Variants in MTUS1 observed in about 807,000 individuals in gnomAD.
MTUS1 encodes the protein microtubule associated scaffold protein 1, also known as microtubule-associated tumor suppressor 1.
In MTUS1, 109 loss-of-function variants were observed where a neutral mutation model predicts 120.8. The ratio of observed to expected loss-of-function variants is 0.90; its 90% CI spans 0.77 to 1.06. The LOEUF (loss-of-function observed/expected upper bound fraction) is 1.06. Ranked by LOEUF, MTUS1 falls within the 50% of genes least tolerant of loss-of-function variation. The pLI is 0.00. For missense variants in MTUS1, 2,210 were observed against 1,486.3 expected (o/e 1.49, Z -8.01); for synonymous variants, 737 against 550.5 (o/e 1.34, Z -4.74).
At chr8:17,772,354 A>G (rs1365467340) in intron 1 of MTUS1, among the ~76,000 whole-genome samples, 4 of 152,224 alleles carry the variant, frequency 2.6e-5, no homozygotes, top group Admixed American at 6.5e-5. Context: ...GAAAACAAGA[A>G]TAAATATTTC....
At chr8:17,669,759 C>G (rs913679917) in intron 8 of MTUS1, among the ~76,000 whole-genome samples, 10 of 152,094 alleles carry the variant, frequency 6.6e-5, no homozygotes, top group Non-Finnish European at 1.3e-4. Context: ...GCAGGACAGT[C>G]ACATGAATCC....
At chr8:17,656,503 G>C (rs1456361171) in intron 8 of MTUS1, among the ~76,000 whole-genome samples, 1 of 151,430 alleles carries the variant, frequency 6.6e-6, no homozygotes, top group Non-Finnish European at 1.5e-5. Context: ...ACTATAGCCG[G>C]GGTGACAGAC....
chr8:17,789,108 C>T (rs555521188), intron 1 of MTUS1, among the ~76,000 whole-genome samples: 1 of 152,018 alleles, frequency 6.6e-6, no homozygotes, highest in East Asian at 1.9e-4. Flanking sequence ...TCTCAGCTCA[C>T]CACAACCTCC....
intron 1 of MTUS1, among the ~76,000 whole-genome samples, chr8:17,787,235 G>C (rs2051381303): frequency 1.3e-5 from 2 of 152,302 alleles, no homozygotes; most frequent in African/African-American, 4.8e-5. Flanking sequence ...CATGGGTAAA[G>C]ATAACGACAT....
At chr8:17,780,383 C>T (rs776600875) in intron 1 of MTUS1, among the ~76,000 whole-genome samples, 3 of 152,172 alleles carry the variant, frequency 2.0e-5, no homozygotes, top group South Asian at 2.1e-4. Flanking sequence ...TACCCAGCCT[C>T]GGGTATTTCA....
chr8:17,667,206 G>C (rs902604741), intron 8 of MTUS1, among the ~76,000 whole-genome samples: 2 of 152,166 alleles, frequency 1.3e-5, no homozygotes, highest in African/African-American at 4.8e-5. Flanking sequence ...ATGTGGATAG[G>C]AAGAGAATGA....
chr8:17,676,845 G>A (rs115955694), intron 7 of MTUS1, among the ~76,000 whole-genome samples: 197 of 152,266 alleles, frequency 1.3e-3, no homozygotes, highest in African/African-American at 4.5e-3. Context: ...GCATGCTGTC[G>A]TTTACAAATT....
In MTUS1 at chr8:17,729,186, C is replaced by T. The variant is rs116831254; in HGVS notation, c.2288-5353G>A. Among the ~76,000 whole-genome samples, 1,001 of 152,184 alleles carry T rather than the reference C, an allele frequency of 6.6e-3. 16 individuals carry two copies. The highest frequency in any genetic ancestry group is 0.023 in the African/African-American group (934 of 41,490). On this transcript the variant is annotated intron_variant, in intron 3 of 14. Coordinates refer to ENST00000693296, the MANE Select transcript of MTUS1 (RefSeq NM_001363059.2). Reference sequence around the variant, plus strand: ...GAGACAGTTACCTTTAGAGTAATTACCTACAGTAACTAGGAATTATTATAA... The same window carrying T: ...GAGACAGTTACCTTTAGAGTAATTATCTACAGTAACTAGGAATTATTATAA...
intron 8 of MTUS1, among the ~76,000 whole-genome samples, chr8:17,666,981 A>C (rs1386418501): frequency 6.6e-6 from 1 of 152,188 alleles, no homozygotes; most frequent in Non-Finnish European, 1.5e-5. Context: ...ATTTTCGTAC[A>C]CAATAAAGTT....
At chr8:17,657,554 A>T (rs369218050) in intron 8 of MTUS1, among the ~76,000 whole-genome samples, 4 of 150,112 alleles carry the variant, frequency 2.7e-5, no homozygotes, top group Non-Finnish European at 5.9e-5. Flanking sequence ...GGCGACAGAG[A>T]GAGACTCCGT....
At chr8:17,744,625 G>A (rs576380097) in intron 2 of MTUS1, among the ~76,000 whole-genome samples, 8 of 148,942 alleles carry the variant, frequency 5.4e-5, no homozygotes, top group East Asian at 3.9e-4. Flanking sequence ...TATTTTTGTA[G>A]CTAAGTTTTG....
At chr8:17,664,564 C>T (rs1274007280) in intron 8 of MTUS1, among the ~76,000 whole-genome samples, 9 of 151,790 alleles carry the variant, frequency 5.9e-5, no homozygotes, top group East Asian at 3.9e-4. Flanking sequence ...CCTGGGAAAC[C>T]GGCCTCCTCC....
intron 4 of MTUS1, among the ~76,000 whole-genome samples, chr8:17,721,236 C>A (rs1297813133): frequency 6.6e-6 from 1 of 152,112 alleles, no homozygotes; most frequent in Non-Finnish European, 1.5e-5. Flanking sequence ...TTATCAGAAA[C>A]AGGAAATTTT....
rs1382993877 is a variant in MTUS1, at chr8:17,644,155, C to T, written c.*1771G>A. ...ATTGAGAACAACTTGGAAGCGTGAGCAGAGATATCTCATGAAGTGGCAGTG... is the reference window on the plus strand; with the variant it reads ...ATTGAGAACAACTTGGAAGCGTGAGTAGAGATATCTCATGAAGTGGCAGTG... On this transcript the variant is annotated 3_prime_UTR_variant, in exon 15 of 15. Coordinates refer to ENST00000693296, the MANE Select transcript of MTUS1 (RefSeq NM_001363059.2). The T allele has an allele frequency of 2.6e-5, 4 of 152,174 alleles. No individual in the cohort carries two copies. The highest frequency in any genetic ancestry group is 4.4e-5 in the Non-Finnish European group (3 of 68,042). The allele number at this position is 152,174 out of a possible 1,614,324, so 9.4% of individuals were successfully genotyped here. A position where few individuals can be genotyped will look rare whatever the true frequency, so the allele number is the denominator to read the frequency against.
upstream of MTUS1, chr8:17,801,315 T>A (rs1172231988): frequency 6.6e-6 from 1 of 151,480 alleles, no homozygotes; most frequent in Non-Finnish European, 1.5e-5. Flanking sequence ...GGGAAACTTG[T>A]AAATAGCCGA....
At chr8:17,712,458 T>C (rs1343917792) in intron 6 of MTUS1, among the ~76,000 whole-genome samples, 1 of 152,038 alleles carries the variant, frequency 6.6e-6, no homozygotes. Flanking sequence ...TGCCTCAGCC[T>C]CCTGAGTGGC....
chr8:17,721,519 A>G (rs766387729), intron 4 of MTUS1, among the ~76,000 whole-genome samples: 2 of 152,220 alleles, frequency 1.3e-5, no homozygotes, highest in Non-Finnish European at 2.9e-5. Flanking sequence ...TGCAAAACAC[A>G]TAAAAGAGAC....
At position 17,775,118 on chromosome 8, in the gene MTUS1, G is replaced by A. The variant is rs1272922595; in HGVS notation, c.-154-19157C>T. 2.6e-5 allele frequency among the ~76,000 whole-genome samples: 4 copies of A among 152,104 alleles called. No homozygotes were observed. The East Asian group carries it at 5.8e-4, about 22-fold the overall frequency. Reference sequence around the variant, plus strand: ...GGGCAGGGGAACATGGGGAGCTATTGTTAAATGGGTACAGTTTCTGTGTGG... The same window carrying A: ...GGGCAGGGGAACATGGGGAGCTATTATTAAATGGGTACAGTTTCTGTGTGG... On this transcript the variant is annotated intron_variant, in intron 1 of 14. Transcript: ENST00000693296.
intron 1 of MTUS1, among the ~76,000 whole-genome samples, chr8:17,763,652 C>T (rs1401379361): frequency 6.6e-6 from 1 of 152,128 alleles, no homozygotes; most frequent in African/African-American, 2.4e-5. Flanking sequence ...TCGCTGGAGG[C>T]ACTAAGGCAA....
Sources: gnomAD v4.1 joint callset for allele counts (sites outside exome capture counted in the v4.1 genomes callset) on GRCh38, gnomAD v4.1.1 for gene constraint, MANE v1.5 for transcripts, NCBI Gene and HGNC (gene_info 2026-07-23, HGNC 2026-07-21) for gene names.